Variants in ESCO2 observed in about 807,000 individuals in gnomAD.
The protein encoded by ESCO2 is establishment of sister chromatid cohesion N-acetyltransferase 2.
A neutral mutation model predicts 61.7 loss-of-function variants in ESCO2; 51 were observed. The ratio of observed to expected loss-of-function variants is 0.83; its 90% confidence interval spans 0.66 to 1.04. The LOEUF (loss-of-function observed/expected upper bound fraction) is 1.04, where lower values mean the gene tolerates loss of function less well. ESCO2 is among the 50% of genes least tolerant of loss of function. The pLI, the probability that ESCO2 is intolerant of heterozygous loss-of-function variation, is 0.00. For synonymous variants in ESCO2, 230 were observed against 238.2 expected (o/e 0.97, Z 0.32); for missense variants, 692 against 686.2 (o/e 1.01, Z -0.09).
chr8:27,811,858 T>C (rs1187466419), downstream of ESCO2: 1 of 152,238 alleles, frequency 6.6e-6, no homozygotes, highest in Non-Finnish European at 1.5e-5. Context: ...TTTTAGACTT[T>C]TTTGGTTATT....
intron 7 of ESCO2, among the ~76,000 whole-genome samples, chr8:27,789,710 G>T (rs1306693195): frequency 6.6e-6 from 1 of 151,762 alleles, no homozygotes; most frequent in East Asian, 1.9e-4. Flanking sequence ...GAACCCAGGA[G>T]GTGGAGGTTG....
chr8:27,802,457 A>G (rs1280701987), intron 10 of ESCO2, among the ~76,000 whole-genome samples: 1 of 149,000 alleles, frequency 6.7e-6, no homozygotes, highest in Non-Finnish European at 1.5e-5. Context: ...TAAATACCAA[A>G]TTAGCCGGGT....
At chr8:27,781,118 G>T (rs1804917827) in intron 4 of ESCO2, among the ~76,000 whole-genome samples, 1 of 152,104 alleles carries the variant, frequency 6.6e-6, no homozygotes, top group African/African-American at 2.4e-5. Context: ...AAGGATATGG[G>T]AGAAATCATA....
At chr8:27,780,141 G>A (rs1398973327) in intron 3 of ESCO2, 33 bp from the exon 4 acceptor site, 2 of 1,310,592 alleles carry the variant, frequency 1.5e-6, no homozygotes, top group Non-Finnish European at 2.2e-6. Context: ...AAAAATTACA[G>A]ATGTTTGGTT....
chr8:27,793,561 A>G (rs1805228265), intron 9 of ESCO2, among the ~76,000 whole-genome samples: 1 of 147,392 alleles, frequency 6.8e-6, no homozygotes, highest in Non-Finnish European at 1.5e-5. Flanking sequence ...ATCTCGCCTC[A>G]CCACAACCTC....
At chr8:27,807,958 T>C (rs1054379649), downstream of ESCO2, among the ~76,000 whole-genome samples, 4 of 152,172 alleles carry the variant, frequency 2.6e-5, no homozygotes, top group Non-Finnish European at 5.9e-5. Flanking sequence ...TCTATGAGGA[T>C]GCCCTCACCA....
chr8:27,810,036 T>C, downstream of ESCO2: 1 of 398,024 alleles, frequency 2.5e-6, no homozygotes, highest in Non-Finnish European at 4.5e-6. Flanking sequence ...TTTACAGCGT[T>C]TTACTGCTAG....
Position 27,803,546 on chromosome 8 carries a change from T to TCACA in ESCO2, c.*110_*111insCACA, listed in dbSNP as rs1343306604. 23 of 1,124,570 alleles carry TCACA rather than the reference T, an allele frequency of 2.0e-5. No individual in the cohort carries two copies. Among genetic ancestry groups the TCACA allele is most frequent in the Middle Eastern group, 2.9e-4 (1 of 3,508 alleles). The allele number at this position is 1,124,570 out of a possible 1,614,324, so 69.7% of individuals were successfully genotyped here. A position where few individuals can be genotyped will look rare whatever the true frequency, so the allele number is the denominator to read the frequency against. ...AAATAAAAAATACCGAGACTCACAC[T>TCACA]CATACACACACACACACACACGCAC... is the stretch of plus-strand genomic sequence containing the variant. On this transcript the variant is annotated 3_prime_UTR_variant, in exon 11 of 11. Transcript: ENST00000305188.
rs1805504745 is a variant in ESCO2, at chr8:27,803,672, C to T, written c.*234C>T. 1 of 1,308,186 alleles carries T rather than the reference C, an allele frequency of 7.6e-7. No individual in the cohort carries two copies. The highest frequency in any genetic ancestry group is 9.7e-7 in the Non-Finnish European group (1 of 1,031,064). The allele number at this position is 1,308,186 out of a possible 1,614,324, so 81.0% of individuals were successfully genotyped here. A position where few individuals can be genotyped will look rare whatever the true frequency, so the allele number is the denominator to read the frequency against. Reference sequence around the variant, plus strand: ...AAAGGAAAAATCTTTGGGTGATTCCCTGATTAGCACTCTGAATGTTTAATT... The same window carrying T: ...AAAGGAAAAATCTTTGGGTGATTCCTTGATTAGCACTCTGAATGTTTAATT... On this transcript the variant is annotated 3_prime_UTR_variant, in exon 11 of 11. Coordinates refer to ENST00000305188, the MANE Select transcript of ESCO2 (RefSeq NM_001017420.3).
intron 1 of ESCO2, among the ~76,000 whole-genome samples, 199 bp from the exon 2 acceptor site, chr8:27,775,300 A>G (rs1295534403): frequency 6.6e-6 from 1 of 152,196 alleles, no homozygotes; most frequent in Non-Finnish European, 1.5e-5. Context: ...TAAATGGACT[A>G]TTAGGGAAAT....
intron 10 of ESCO2, among the ~76,000 whole-genome samples, chr8:27,802,658 A>ATATAT (rs1805474268): frequency 1.1e-5 from 1 of 87,362 alleles, no homozygotes; most frequent in African/African-American, 5.2e-5. Context: ...TATATATATT[A>ATATAT]TATATATATA....
Position 27,804,951 on chromosome 8 carries a change from T to C in ESCO2, c.*1513T>C. 2 of 336,036 alleles carry C rather than the reference T, an allele frequency of 6.0e-6. No individual in the cohort carries two copies. The highest frequency in any genetic ancestry group is 8.4e-6 in the Non-Finnish European group (2 of 236,850). The allele number at this position is 336,036 out of a possible 1,614,324, so 20.8% of individuals were successfully genotyped here. A position where few individuals can be genotyped will look rare whatever the true frequency, so the allele number is the denominator to read the frequency against. ...TATTATGAAAATAGTATATGTTAAA[T>C]AAAATTCAGATAATACAGAAATAGA... On this transcript the variant is annotated 3_prime_UTR_variant, in exon 11 of 11. Transcript: ENST00000305188.
downstream of ESCO2, chr8:27,810,829 G>T (rs755315923): frequency 1.8e-5 from 12 of 668,648 alleles, no homozygotes; most frequent in Non-Finnish European, 3.0e-5. Flanking sequence ...TGTCTCATTT[G>T]TGTGAGATTA....
intron 4 of ESCO2, among the ~76,000 whole-genome samples, chr8:27,783,012 A>G (rs187514670): frequency 1.2e-4 from 18 of 151,790 alleles, no homozygotes; most frequent in South Asian, 2.1e-4. Context: ...TGTACATTGG[A>G]GTTCATTCTT....
rs1454682362 is a variant in ESCO2 at position 27,777,093 on chromosome 8, A to G, written c.785A>G (p.Lys262Arg). 1 of 1,601,792 alleles carries G rather than the reference A, an allele frequency of 6.2e-7. No homozygotes were observed. Among genetic ancestry groups the G allele is most frequent in the African/African-American group, 1.4e-5 (1 of 73,870 alleles). The change falls in exon 3 of 11, where the codon AAG (lysine) becomes AGG (arginine). Residue 262 changes from lysine to arginine, a missense_variant. By Grantham distance (26) the Lys-to-Arg change is conservative (BLOSUM62 2). Coordinates refer to ENST00000305188, the MANE Select transcript of ESCO2 (RefSeq NM_001017420.3). ...KKTFATRQVP[K>R]CLVLEEKLKI... ...ACTTTTGCGACAAGGCAAGTGCCAA[A>G]GTGCTTGGTCCTAGAAGAGAAATTG...
At chr8:27,795,788 T>C (rs770996635) in intron 9 of ESCO2, among the ~76,000 whole-genome samples, 153 of 152,206 alleles carry the variant, frequency 1.0e-3, no homozygotes, top group Non-Finnish European at 1.4e-3. Context: ...TAATATGGTG[T>C]AACACATTGA....
At chr8:27,817,529 A>G (rs1195403645), downstream of ESCO2, among the ~76,000 whole-genome samples, 1 of 151,234 alleles carries the variant, frequency 6.6e-6, no homozygotes, top group African/African-American at 2.4e-5. Flanking sequence ...TTAGTTTTCA[A>G]AGTTGCATAG....
chr8:27,816,381 TAATTTA>T (rs1167931424), downstream of ESCO2, among the ~76,000 whole-genome samples: 9 of 42,288 alleles, frequency 2.1e-4, no homozygotes, highest in South Asian at 4.7e-3. Context: ...TTATTTATTT[TAATTTA>T]TTTTTTTTTG....
At chr8:27,790,790 T>G (rs899238288) in intron 7 of ESCO2, among the ~76,000 whole-genome samples, 2 of 152,216 alleles carry the variant, frequency 1.3e-5, no homozygotes, top group African/African-American at 4.8e-5. Context: ...TTGACTAGTT[T>G]ATCTTCCACA....
Sources: allele counts gnomAD v4.1 joint callset (sites outside exome capture counted in the v4.1 genomes callset), GRCh38; gene constraint gnomAD v4.1.1; transcripts MANE v1.5; gene names NCBI Gene and HGNC (gene_info 2026-07-23, HGNC 2026-07-21).